INSL3: variants seen among roughly 807,000 people sequenced by gnomAD.
The protein encoded by INSL3 is insulin like 3, also known as insulin-like 3.
Under a neutral mutation model 5.5 loss-of-function variants are expected in INSL3, and 6 were observed. That is an observed-to-expected ratio of 1.08 (90% CI 0.59 to 2.14). The LOEUF (loss-of-function observed/expected upper bound fraction) is 2.14, where lower values mean the gene tolerates loss of function less well. Among genes scored for constraint, INSL3 ranks in the 30% most tolerant of loss-of-function variants. INSL3 has a pLI of 0.00. For synonymous variants in INSL3, 86 were observed against 82.1 expected (o/e 1.05, Z -0.26); for missense variants, 178 against 184.7 (o/e 0.96, Z 0.21).
intron 1 of INSL3, 107 bp downstream of exon 1, chr19:17,821,210 C>T: frequency 2.3e-6 from 3 of 1,292,656 alleles, no homozygotes; most frequent in Non-Finnish European, 3.2e-6. Context: ...GAGCCCTGGG[C>T]ACATGCATGC....
intron 1 of INSL3, 97 bp downstream of exon 1, chr19:17,821,220 C>T (rs954398878): frequency 4.7e-5 from 66 of 1,412,766 alleles, no homozygotes; most frequent in Non-Finnish European, 6.1e-5. Context: ...CACATGCATG[C>T]AAACCTGCCC....
Position 17,817,000 on chromosome 19 carries a change from T to C in INSL3, c.250A>G (p.Asn84Asp), listed in dbSNP as rs781625617. ...HLLHGLVADSNLTLGPGLQPL... is the reference protein window; with the variant it reads ...HLLHGLVADSDLTLGPGLQPL... ...TGCAGGCCAGGTCCCAGCGTGAGATTACTGTCGGCCACCAGCCCATGGAGC... is the reference window on the plus strand; with the variant it reads ...TGCAGGCCAGGTCCCAGCGTGAGATCACTGTCGGCCACCAGCCCATGGAGC... Residue 84 changes from asparagine to aspartate, a missense_variant, in exon 2 of 2, where the codon AAT becomes GAT. Asn to Asp is a conservative substitution (Grantham distance 23). Transcript: ENST00000317306. 6.2e-7 allele frequency: 1 copy of C among 1,613,772 alleles called. No individual in the cohort carries two copies. The highest frequency in any genetic ancestry group is 1.7e-5 in the Admixed American group (1 of 59,982).
chr19:17,819,217 G>A (rs1020119588), intron 1 of INSL3, among the ~76,000 whole-genome samples: 8 of 149,754 alleles, frequency 5.3e-5, no homozygotes, highest in African/African-American at 1.9e-4. Flanking sequence ...CTGGGTGATA[G>A]AGTGAGACCC....
chr19:17,819,933 C>CA (rs34708745), intron 1 of INSL3, among the ~76,000 whole-genome samples: 5,080 of 140,338 alleles, frequency 0.036, 190 homozygotes, highest in African/African-American at 0.1. Context: ...ACTAAAAATA[C>CA]AAAAAAAAAA....
rs964908574 is a variant in INSL3 at position 17,821,291 on chromosome 19, C to T, written c.190+26G>A. ...CCTGCCCCACCTCGGCTTCCCAGAG[C>T]GCTGTCCCTGCCCGTCCCCACTCAC... On this transcript the variant is annotated intron_variant, in intron 1 of 1. Coordinates refer to ENST00000317306, the MANE Select transcript of INSL3 (RefSeq NM_005543.4). 3.9e-6 allele frequency: 6 copies of T among 1,542,452 alleles called. No homozygotes were observed. The African/African-American group carries it at 4.1e-5, about 11-fold the overall frequency.
intron 1 of INSL3, among the ~76,000 whole-genome samples, chr19:17,817,916 C>G (rs1374918725): frequency 6.6e-6 from 1 of 151,756 alleles, no homozygotes; most frequent in Non-Finnish European, 1.5e-5. Context: ...CTGCGTGGGT[C>G]CCCATATGCC....
At chr19:17,818,178 A>G (rs10421916) in intron 1 of INSL3, among the ~76,000 whole-genome samples, 104,864 of 151,878 alleles carry the variant, frequency 0.69, 36,574 homozygotes, top group African/African-American at 0.79. Flanking sequence ...CTTGCAGACC[A>G]CCTCCCCTGG....
At chr19:17,817,395 G>A (rs1338333083) in intron 1 of INSL3, among the ~76,000 whole-genome samples, 1 of 149,782 alleles carries the variant, frequency 6.7e-6, no homozygotes, top group East Asian at 2.0e-4. Context: ...TGAGGCAGGA[G>A]AATGACGTGA....
In INSL3 at chr19:17,821,461, C is replaced by T. The variant is rs2094195767; in HGVS notation, c.46G>A (p.Ala16Thr). The T allele has an allele frequency of 2.6e-6, 4 of 1,528,136 alleles. No homozygotes were observed. The highest frequency in any genetic ancestry group is 3.5e-6 in the Non-Finnish European group (4 of 1,133,158). 94.7% of individuals were successfully genotyped at this position (1,528,136 alleles called of 1,614,324 possible). A position where few individuals can be genotyped will look rare whatever the true frequency, so the allele number is the denominator to read the frequency against. Reference protein sequence around the residue: ...PAWALVLLGPALVFALGPAPT... With the variant: ...PAWALVLLGPTLVFALGPAPT... ...GCGGGGCCCAACGCGAACACCAGGG[C>T]AGGGCCCAGCAGCACCAGCGCCCAG... The change falls in exon 1 of 2, where the codon GCC becomes ACC. Residue 16 changes from alanine to threonine, a missense_variant. Coordinates refer to ENST00000317306, the MANE Select transcript of INSL3 (RefSeq NM_005543.4).
chr19:17,818,882 CT>C (rs778998577), intron 1 of INSL3, among the ~76,000 whole-genome samples: 64 of 144,434 alleles, frequency 4.4e-4, no homozygotes, highest in Non-Finnish European at 4.3e-4. Context: ...TCAGCATCAG[CT>C]TTTTTTTTTT....
chr19:17,819,899 T>C (rs752626221), intron 1 of INSL3, among the ~76,000 whole-genome samples: 67 of 150,146 alleles, frequency 4.5e-4, no homozygotes, highest in Non-Finnish European at 3.2e-4. Context: ...TGAAACCTGT[T>C]GTTTCACCTG....
At chr19:17,817,953 G>A (rs748835797) in intron 1 of INSL3, among the ~76,000 whole-genome samples, 40 of 152,070 alleles carry the variant, frequency 2.6e-4, no homozygotes, top group Non-Finnish European at 4.7e-4. Context: ...CCCTGCCCAG[G>A]GAGTGTCGGG....
chr19:17,820,660 A>AAAAC lies in INSL3; in HGVS notation c.190+653_190+656dup, dbSNP rs544426984. 2.6e-5 allele frequency among the ~76,000 whole-genome samples: 4 copies of AAAAC among 152,230 alleles called. No homozygotes were observed. In the East Asian group the frequency reaches 7.7e-4, roughly 29 times the overall value. On this transcript the variant is annotated intron_variant, in intron 1 of 1. Coordinates refer to ENST00000317306, the MANE Select transcript of INSL3 (RefSeq NM_005543.4). ...GCGTCAGAGTGAGACCCTGTCTCAAAAAACAAACAAACAAAGCAAAATTAA... is the reference window on the plus strand; with the variant it reads ...GCGTCAGAGTGAGACCCTGTCTCAAAAAACAAACAAACAAACAAAGCAAAATTAA...
chr19:17,820,441 T>C (rs1233422998), intron 1 of INSL3: 5 of 362,378 alleles, frequency 1.4e-5, no homozygotes, highest in South Asian at 5.8e-5. Context: ...GAGGATTACT[T>C]GAGCTCAGGA....
At chr19:17,819,755 T>C (rs912992293) in intron 1 of INSL3, among the ~76,000 whole-genome samples, 3 of 152,022 alleles carry the variant, frequency 2.0e-5, no homozygotes, top group Non-Finnish European at 2.9e-5. Context: ...GGCAGGAGAA[T>C]GGCGTGAAGC....
In INSL3 at chr19:17,816,972, G is replaced by C. The variant is rs104894697; in HGVS notation, c.278C>G (p.Pro93Arg). 3 of 1,614,080 alleles carry C rather than the reference G, an allele frequency of 1.9e-6. No homozygotes were observed. Among genetic ancestry groups the C allele is most frequent in the Admixed American group, 1.7e-5 (1 of 60,008 alleles). Residue 93 changes from proline to arginine, a missense_variant, in exon 2 of 2, where the codon CCC (proline) becomes CGC (arginine). Coordinates refer to ENST00000317306, the MANE Select transcript of INSL3 (RefSeq NM_005543.4). ...GTGATGGTGAGAGGTCTGGGGCAGG[G>C]GCTGCAGGCCAGGTCCCAGCGTGAG... ...SNLTLGPGLQPLPQTSHHHRH... is the reference protein window; with the variant it reads ...SNLTLGPGLQRLPQTSHHHRH...
chr19:17,817,179 G>A lies in INSL3; in HGVS notation c.191-120C>T, dbSNP rs540718096. Reference sequence around the variant, plus strand: ...AACCCACCAAACACTCATGCATGCAGATAAAAAGTGAGCACTGGCCGGGTG... The same window carrying A: ...AACCCACCAAACACTCATGCATGCAAATAAAAAGTGAGCACTGGCCGGGTG... On this transcript the variant is annotated intron_variant, in intron 1 of 1. Transcript: ENST00000317306. 9 of 1,019,946 alleles carry A rather than the reference G, an allele frequency of 8.8e-6. No homozygotes were observed. The African/African-American group carries it at 1.4e-4, about 16-fold the overall frequency. The allele number at this position is 1,019,946 out of a possible 1,614,324, so 63.2% of individuals were successfully genotyped here. A position where few individuals can be genotyped will look rare whatever the true frequency, so the allele number is the denominator to read the frequency against.
rs200693684 is a variant in INSL3, at chr19:17,816,878, G to T, written c.372C>A (p.Asp124Glu). The change falls in exon 2 of 2, where the codon GAC becomes GAA. Residue 124 changes from aspartate to glutamate, a missense_variant. By Grantham distance (45) the Asp-to-Glu change is conservative. Coordinates refer to ENST00000317306, the MANE Select transcript of INSL3 (RefSeq NM_005543.4). ...YCCLSGCTQQ[D>E]LLTLCPY ...ATCAGTAGGGACAGAGGGTCAGCAG[G>T]TCTTGTTGGGTACAGCCACTGAGGC... The T allele has an allele frequency of 6.2e-7, 1 of 1,613,886 alleles. No homozygotes were observed. Among genetic ancestry groups the T allele is most frequent in the Non-Finnish European group, 8.5e-7 (1 of 1,180,038 alleles).
At position 17,821,358 on chromosome 19, in the gene INSL3, C is replaced by G; in HGVS notation, c.149G>C (p.Arg50Pro). The change falls in exon 1 of 2, where the codon CGC (arginine) becomes CCC (proline). Residue 50 changes from arginine to proline, a missense_variant. Coordinates refer to ENST00000317306, the MANE Select transcript of INSL3 (RefSeq NM_005543.4). ...RALVRVCGGP[R>P]WSTEARRPAT... ...AGGCCTCCTGGCTTCGGTGGACCAGCGGGGGCCCCCGCACACGCGCACTAG... is the reference window on the plus strand; with the variant it reads ...AGGCCTCCTGGCTTCGGTGGACCAGGGGGGGCCCCCGCACACGCGCACTAG... 1 of 1,548,698 alleles carries G rather than the reference C, an allele frequency of 6.5e-7. No individual in the cohort carries two copies. The highest frequency in any genetic ancestry group is 8.7e-7 in the Non-Finnish European group (1 of 1,146,592).
Sources: allele counts gnomAD v4.1 joint callset (sites outside exome capture counted in the v4.1 genomes callset), GRCh38; gene constraint gnomAD v4.1.1; transcripts MANE v1.5; gene names NCBI Gene and HGNC (gene_info 2026-07-23, HGNC 2026-07-21).